The following FOXP1 variants were observed in gnomAD, a reference collection of about 807,000 sequenced individuals.
The protein encoded by FOXP1 is forkhead box P1, also known as forkhead box protein P1.
Under a neutral mutation model 98.2 loss-of-function variants are expected in FOXP1, and 15 were observed. That is an observed-to-expected ratio of 0.15 (90% CI 0.10 to 0.24). FOXP1 has a LOEUF of 0.24. Ranked by LOEUF, FOXP1 falls within the 10% of genes least tolerant of loss-of-function variation. The pLI is 1.00. For synonymous variants in FOXP1, 371 were observed against 314.5 expected (o/e 1.18, Z -1.90); for missense variants, 633 against 848.5 (o/e 0.75, Z 3.15).
At chr3:71,570,553 C>G (rs1352246050) in intron 2 of FOXP1, 3 of 152,232 alleles carry the variant, frequency 2.0e-5, no homozygotes, top group African/African-American at 7.2e-5. Context: ...CCTCTGTGAC[C>G]ACTCATGATC....
chr3:71,075,039 A>G (rs1014552107), intron 7 of FOXP1, among the ~76,000 whole-genome samples: 1 of 152,234 alleles, frequency 6.6e-6, no homozygotes, highest in Non-Finnish European at 1.5e-5. Flanking sequence ...TTCTCCTGGT[A>G]ATACACAGTG....
chr3:71,348,510 T>TGTGTGC (rs1191438508), intron 4 of FOXP1, among the ~76,000 whole-genome samples: 2 of 54,596 alleles, frequency 3.7e-5, no homozygotes, highest in Non-Finnish European at 8.7e-5. Flanking sequence ...GTGTTCAGTG[T>TGTGTGC]GTGTGTGTGT....
intron 3 of FOXP1, among the ~76,000 whole-genome samples, chr3:71,370,573 G>T (rs918560460): frequency 6.6e-6 from 1 of 152,116 alleles, no homozygotes; most frequent in Non-Finnish European, 1.5e-5. Context: ...CGCAGGTTCC[G>T]ATCGGCACCG....
intron 9 of FOXP1, among the ~76,000 whole-genome samples, chr3:71,051,232 T>C (rs1344369893): frequency 6.6e-6 from 1 of 152,192 alleles, no homozygotes; most frequent in Non-Finnish European, 1.5e-5. Context: ...ATCTGTTCCC[T>C]TTTTTATTAT....
intron 7 of FOXP1, among the ~76,000 whole-genome samples, chr3:71,062,352 C>T (rs2051635964): frequency 6.6e-6 from 1 of 152,188 alleles, no homozygotes; most frequent in African/African-American, 2.4e-5. Flanking sequence ...CAGAATGTTT[C>T]CATTCCATCC....
At chr3:71,421,579 A>C (rs1577409356) in intron 3 of FOXP1, among the ~76,000 whole-genome samples, 1 of 152,308 alleles carries the variant, frequency 6.6e-6, no homozygotes, top group East Asian at 1.9e-4. Context: ...AGGGCATCCT[A>C]TTTTAGGATA....
intron 3 of FOXP1, among the ~76,000 whole-genome samples, chr3:71,428,016 T>A (rs1284495742): frequency 6.6e-6 from 1 of 151,468 alleles, no homozygotes; most frequent in African/African-American, 2.4e-5. Context: ...AGGTAAAGAG[T>A]GGAACTGGGA....
intron 3 of FOXP1, among the ~76,000 whole-genome samples, chr3:71,390,520 T>C (rs1330112973): frequency 7.0e-6 from 1 of 142,852 alleles, no homozygotes; most frequent in Non-Finnish European, 1.5e-5. Context: ...TAAAAGGTCC[T>C]GCAAGTTACA....
intron 5 of FOXP1, among the ~76,000 whole-genome samples, chr3:71,260,821 C>T (rs1413092423): frequency 6.6e-6 from 1 of 152,108 alleles, no homozygotes; most frequent in African/African-American, 2.4e-5. Context: ...GGATTACAGG[C>T]ATGAGCCCCC....
At chr3:71,348,252 C>T (rs2107820637) in intron 4 of FOXP1, among the ~76,000 whole-genome samples, 1 of 152,226 alleles carries the variant, frequency 6.6e-6, no homozygotes, top group Non-Finnish European at 1.5e-5. Context: ...TTTGATTTAT[C>T]TATTTCCCGT....
At chr3:71,455,482 G>A (rs1445901871) in intron 3 of FOXP1, among the ~76,000 whole-genome samples, 3 of 151,966 alleles carry the variant, frequency 2.0e-5, no homozygotes, top group African/African-American at 7.3e-5. Context: ...CTCTCAAAGG[G>A]GTCCTAAATT....
intron 2 of FOXP1, among the ~76,000 whole-genome samples, chr3:71,575,279 C>T (rs1380054962): frequency 6.6e-6 from 1 of 152,132 alleles, no homozygotes; most frequent in Non-Finnish European, 1.5e-5. Flanking sequence ...CAGTAAAATC[C>T]AAGTGAAGAT....
intron 6 of FOXP1, among the ~76,000 whole-genome samples, chr3:71,170,412 C>T (rs1165016945): frequency 6.6e-6 from 1 of 152,152 alleles, no homozygotes; most frequent in Non-Finnish European, 1.5e-5. Context: ...CTTGCAGAAA[C>T]TTTTAATTTT....
intron 5 of FOXP1, among the ~76,000 whole-genome samples, chr3:71,209,688 A>G (rs904719606): frequency 2.0e-5 from 3 of 152,228 alleles, no homozygotes; most frequent in Admixed American, 1.3e-4. Context: ...TTAATCTCTA[A>G]AAATTTCCCT....
At chr3:71,541,490 G>A (rs2044808804) in intron 2 of FOXP1, among the ~76,000 whole-genome samples, 1 of 152,148 alleles carries the variant, frequency 6.6e-6, no homozygotes, top group African/African-American at 2.4e-5. Context: ...GTTACAGTGT[G>A]AAGGACAAAA....
At chr3:70,998,399 TAA>T (rs2107591191) in intron 13 of FOXP1, among the ~76,000 whole-genome samples, 1 of 152,304 alleles carries the variant, frequency 6.6e-6, no homozygotes, top group Non-Finnish European at 1.5e-5. Flanking sequence ...ATTTAAAATA[TAA>T]AAACATTCCT....
At chr3:71,190,658 A>AAG (rs915534954) in intron 6 of FOXP1, among the ~76,000 whole-genome samples, 1 of 151,332 alleles carries the variant, frequency 6.6e-6, no homozygotes, top group African/African-American at 2.4e-5. Flanking sequence ...AAAAAAAAAA[A>AAG]AAAGAAAAAG....
intron 3 of FOXP1, among the ~76,000 whole-genome samples, chr3:71,448,111 G>A (rs559246164): frequency 4.2e-4 from 64 of 152,144 alleles, no homozygotes; most frequent in African/African-American, 1.5e-3. Context: ...TGCCAGCCTT[G>A]GGGACGGAAC....
chr3:71,583,556 A>C lies in FOXP1; in HGVS notation c.-447+15T>G. The stretch of plus-strand genomic sequence containing the variant: ...TGGGAAAAAGTGGAGCAGAAATGGA[A>C]AAATACAAACTCACCCGCTGCAAAT... On this transcript the variant is annotated intron_variant, in intron 1 of 20. Coordinates refer to ENST00000649528, the MANE Select transcript of FOXP1 (RefSeq NM_001349338.3). The C allele has an allele frequency of 1.0e-6, 1 of 983,466 alleles. No individual in the cohort carries two copies. Among genetic ancestry groups the C allele is most frequent in the Non-Finnish European group, 1.2e-6 (1 of 829,506 alleles). 60.9% of individuals were successfully genotyped at this position (983,466 alleles called of 1,614,324 possible).
Sources: gnomAD v4.1 joint callset for allele counts (sites outside exome capture counted in the v4.1 genomes callset) on GRCh38, gnomAD v4.1.1 for gene constraint, MANE v1.5 for transcripts, NCBI Gene and HGNC (gene_info 2026-07-23, HGNC 2026-07-21) for gene names.